UNC13C: variants seen among roughly 807,000 people sequenced by gnomAD.
The protein encoded by UNC13C is unc-13 homolog C, also known as protein unc-13 homolog C.
A neutral mutation model predicts 245.4 loss-of-function variants in UNC13C; 174 were observed. The ratio of observed to expected loss-of-function variants is 0.71; its 90% CI spans 0.63 to 0.80. The LOEUF (loss-of-function observed/expected upper bound fraction) is 0.80, where lower values mean the gene tolerates loss of function less well. Among genes scored for constraint, UNC13C ranks in the 30% least tolerant of loss-of-function variants. The probability of loss-of-function intolerance (pLI) is 0.00; values close to 1 mark genes in which losing one functional copy is unlikely to be tolerated. For synonymous variants in UNC13C, 992 were observed against 895.1 expected (o/e 1.11, Z -1.93); for missense variants, 2,829 against 2,602.9 (o/e 1.09, Z -1.89).
the UNC13C span, among the ~76,000 whole-genome samples, chr15:53,943,825 T>A: frequency 1.3e-5 from 2 of 152,146 alleles, no homozygotes; most frequent in African/African-American, 4.8e-5. Context: ...ATTGCTATAT[T>A]TTCTTGGTAA....
chr15:53,848,988 C>A, the UNC13C span, among the ~76,000 whole-genome samples: 1 of 151,924 alleles, frequency 6.6e-6, no homozygotes, highest in South Asian at 2.1e-4. Context: ...CATTATATAA[C>A]TTTTCCCATT....
intron 14 of UNC13C, among the ~76,000 whole-genome samples, chr15:54,330,159 C>T (rs747994906): frequency 2.6e-5 from 4 of 151,838 alleles, no homozygotes; most frequent in Non-Finnish European, 4.4e-5. Flanking sequence ...ACACAGAGGG[C>T]AAAAGTTGAA....
At chr15:54,222,169 A>G (rs1481492668) in intron 4 of UNC13C, among the ~76,000 whole-genome samples, 4 of 152,016 alleles carry the variant, frequency 2.6e-5, no homozygotes, top group African/African-American at 9.7e-5. Flanking sequence ...CTGTAGTAAT[A>G]TGAAATACAA....
intron 17 of UNC13C, among the ~76,000 whole-genome samples, chr15:54,346,398 C>G (rs2038860811): frequency 6.6e-6 from 1 of 152,130 alleles, no homozygotes; most frequent in South Asian, 2.1e-4. Context: ...TATTTAGCCT[C>G]TTCATGTCTG....
chr15:54,466,572 T>C (rs1235656041), intron 19 of UNC13C, among the ~76,000 whole-genome samples: 1 of 151,892 alleles, frequency 6.6e-6, no homozygotes, highest in African/African-American at 2.4e-5. Context: ...GGAAGTAAAT[T>C]GATCTTGAGA....
At chr15:54,168,175 A>G (rs910673815) in intron 4 of UNC13C, among the ~76,000 whole-genome samples, 5 of 152,328 alleles carry the variant, frequency 3.3e-5, no homozygotes, top group Middle Eastern at 3.4e-3. Flanking sequence ...ACAATAAAAC[A>G]TTAGAAAATT....
At position 54,589,085 on chromosome 15, in the gene UNC13C, G is replaced by C. The variant is rs192494257; in HGVS notation, c.6106+21138G>C. Reference sequence around the variant, plus strand: ...ACTATTTTCCATAGCAGCTGTACTAGTTTACATTCCCACCAACAGTGTAGA... The same window carrying C: ...ACTATTTTCCATAGCAGCTGTACTACTTTACATTCCCACCAACAGTGTAGA... On this transcript the variant is annotated intron_variant, in intron 30 of 32. Transcript: ENST00000260323. Among the ~76,000 whole-genome samples, 82 of 152,074 alleles carry C rather than the reference G, an allele frequency of 5.4e-4. No individual in the cohort carries two copies. The East Asian group carries it at 0.016, about 29-fold the overall frequency.
the UNC13C span, chr15:53,955,735 C>T: frequency 6.6e-6 from 1 of 152,274 alleles, no homozygotes; most frequent in South Asian, 2.1e-4. Context: ...AAACATGCTC[C>T]ATCAGCTGGT....
At chr15:53,884,983 C>A in the UNC13C span, among the ~76,000 whole-genome samples, 3 of 152,280 alleles carry the variant, frequency 2.0e-5, no homozygotes, top group Admixed American at 2.0e-4. Context: ...CTATTAGTGA[C>A]TAATACTGCA....
chr15:54,149,314 A>G (rs1169965253), intron 4 of UNC13C, among the ~76,000 whole-genome samples: 1 of 152,108 alleles, frequency 6.6e-6, no homozygotes, highest in Non-Finnish European at 1.5e-5. Flanking sequence ...TTAGTTAGTT[A>G]TTTTTAGGGA....
rs772778104 is a variant in UNC13C at position 54,494,623 on chromosome 15, G to A, written c.4949G>A (p.Arg1650Gln). The A allele has an allele frequency of 1.6e-5, 26 of 1,606,984 alleles. No individual in the cohort carries two copies. The highest frequency in any genetic ancestry group is 5.1e-5 in the Admixed American group (3 of 58,900). Reference protein sequence around the residue: ...KYALEEHENQRLCKSTDYMNL... With the variant: ...KYALEEHENQQLCKSTDYMNL... ...TCTGTTATAGAACATGAAAATCAGC[G>A]GTTATGCAAGAGCACCGATTATATG... Residue 1650 changes from arginine (R) to glutamine (Q), a missense_variant, in exon 20 of 33, where the codon CGG becomes CAG. By Grantham distance (43) the Arg-to-Gln change is conservative. Coordinates refer to ENST00000260323, the MANE Select transcript of UNC13C (RefSeq NM_001080534.3).
chr15:54,507,233 T>A (rs896781532), intron 23 of UNC13C, 39 bp downstream of exon 23: 4 of 1,346,716 alleles, frequency 3.0e-6, no homozygotes, highest in Non-Finnish European at 4.2e-6. Flanking sequence ...TATCTCTCAG[T>A]TGAGATTTAC....
chr15:53,879,971 G>GTGTGTA, the UNC13C span, among the ~76,000 whole-genome samples: 150 of 151,134 alleles, frequency 9.9e-4, 1 homozygote, highest in Middle Eastern at 3.4e-3. Context: ...GTGTGTGTGT[G>GTGTGTA]TATATACATA....
the UNC13C span, among the ~76,000 whole-genome samples, chr15:53,841,676 A>G: frequency 6.6e-6 from 1 of 152,284 alleles, no homozygotes; most frequent in East Asian, 1.9e-4. Flanking sequence ...TGTTAGGAAA[A>G]AAATGTTTTA....
At chr15:54,466,046 A>C (rs1353314527) in intron 19 of UNC13C, among the ~76,000 whole-genome samples, 4 of 151,998 alleles carry the variant, frequency 2.6e-5, no homozygotes, top group Non-Finnish European at 4.4e-5. Context: ...AGCAACATGG[A>C]CGGAACTGAA....
At chr15:53,941,354 T>C in the UNC13C span, among the ~76,000 whole-genome samples, 12 of 151,994 alleles carry the variant, frequency 7.9e-5, no homozygotes, top group Admixed American at 5.2e-4. Context: ...TAGAAGAAAA[T>C]CTAGGTAATA....
chr15:54,334,995 A>T (rs1461166679), intron 16 of UNC13C, among the ~76,000 whole-genome samples: 1 of 151,856 alleles, frequency 6.6e-6, no homozygotes, highest in African/African-American at 2.4e-5. Context: ...AAAAAATAGG[A>T]GGAAAGAAAG....
intron 17 of UNC13C, among the ~76,000 whole-genome samples, chr15:54,383,076 C>G (rs769991679): frequency 6.6e-6 from 1 of 152,032 alleles, no homozygotes; most frequent in African/African-American, 2.4e-5. Flanking sequence ...CAAATAAAAG[C>G]TCAGGACAGG....
At chr15:54,197,009 TAACA>T (rs777844519) in intron 4 of UNC13C, among the ~76,000 whole-genome samples, 2 of 152,112 alleles carry the variant, frequency 1.3e-5, no homozygotes, top group Non-Finnish European at 2.9e-5. Context: ...TATACATATG[TAACA>T]AACCTGTACG....
Sources: gnomAD v4.1 joint callset for allele counts (sites outside exome capture counted in the v4.1 genomes callset) on GRCh38, gnomAD v4.1.1 for gene constraint, MANE v1.5 for transcripts, NCBI Gene and HGNC (gene_info 2026-07-23, HGNC 2026-07-21) for gene names.